GALNT9: variants seen among roughly 807,000 people sequenced by gnomAD.
GALNT9 encodes the protein GalNAc transferase 9.
Under a neutral mutation model 63.1 loss-of-function variants are expected in GALNT9, and 47 were observed. The observed-to-expected ratio is 0.75, with a 90% CI of 0.59 to 0.95. GALNT9 has a LOEUF of 0.95. Ranked by LOEUF, GALNT9 falls within the 40% of genes least tolerant of loss-of-function variation. The probability of loss-of-function intolerance (pLI) is 0.00; values close to 1 mark genes in which losing one functional copy is unlikely to be tolerated. For synonymous variants in GALNT9, 396 were observed against 365.7 expected (o/e 1.08, Z -0.94); for missense variants, 829 against 874.8 (o/e 0.95, Z 0.66).
intron 6 of GALNT9, among the ~76,000 whole-genome samples, chr12:132,215,601 T>C (rs1855744349): frequency 6.6e-6 from 1 of 152,240 alleles, no homozygotes; most frequent in African/African-American, 2.4e-5. Flanking sequence ...TTGATCCTGC[T>C]TGTTGGCTCC....
At chr12:132,287,220 T>C (rs1880635399) in intron 1 of GALNT9, among the ~76,000 whole-genome samples, 1 of 152,062 alleles carries the variant, frequency 6.6e-6, no homozygotes, top group Non-Finnish European at 1.5e-5. Flanking sequence ...TCATCGACAG[T>C]GACACAGTCA....
In GALNT9 at chr12:132,246,645, G is replaced by A. The variant is rs1220450509; in HGVS notation, c.1077+1265C>T. On this transcript the variant is annotated intron_variant, in intron 6 of 10. Coordinates refer to ENST00000328957, the MANE Select transcript of GALNT9 (RefSeq NM_001122636.2). This position sits in a 1 kb window ranked among gnomAD's most constrained non-coding sequence, Gnocchi z 4.7. Reference sequence around the variant, plus strand: ...CCTCCTGGGTTCAAGTGATTCTCCTGCCTCAGCCTCCTGAGTAGCTGGGAT... The same window carrying A: ...CCTCCTGGGTTCAAGTGATTCTCCTACCTCAGCCTCCTGAGTAGCTGGGAT... Among the ~76,000 whole-genome samples the A allele has an allele frequency of 2.6e-5, 4 of 152,192 alleles. No individual in the cohort carries two copies. Among genetic ancestry groups the A allele is most frequent in the Admixed American group, 2.6e-4 (4 of 15,286 alleles).
intron 5 of GALNT9, among the ~76,000 whole-genome samples, chr12:132,250,693 A>G (rs1878879632): frequency 6.6e-6 from 1 of 152,224 alleles, no homozygotes. Flanking sequence ...CGGGAGGCTG[A>G]GGCAGGAGAA....
At chr12:132,271,277 G>C (rs1219219318) in intron 2 of GALNT9, among the ~76,000 whole-genome samples, 1 of 151,852 alleles carries the variant, frequency 6.6e-6, no homozygotes, top group African/African-American at 2.4e-5. Context: ...GCCAGGGCTC[G>C]AGGGTGGGGG....
At chr12:132,325,946 C>A (rs1184006567) in intron 1 of GALNT9, among the ~76,000 whole-genome samples, 1 of 152,266 alleles carries the variant, frequency 6.6e-6, no homozygotes, top group Non-Finnish European at 1.5e-5. Flanking sequence ...CGCTGCGACG[C>A]GGGCGACCGT....
chr12:132,229,737 C>T (rs1877824402), intron 6 of GALNT9, among the ~76,000 whole-genome samples: 1 of 152,254 alleles, frequency 6.6e-6, no homozygotes, highest in Non-Finnish European at 1.5e-5. Flanking sequence ...AAATCATGGT[C>T]ACCGGCATCT....
At chr12:132,295,374 G>C (rs1881017758) in intron 1 of GALNT9, among the ~76,000 whole-genome samples, 1 of 152,244 alleles carries the variant, frequency 6.6e-6, no homozygotes, top group Non-Finnish European at 1.5e-5. Context: ...GACTGTTGTG[G>C]GTTGAATTGT....
chr12:132,216,160 AC>A (rs1365886436), intron 6 of GALNT9, among the ~76,000 whole-genome samples: 2 of 152,200 alleles, frequency 1.3e-5, no homozygotes, highest in Non-Finnish European at 2.9e-5. Flanking sequence ...AGATGGAGAG[AC>A]AGAGGCATGA....
intron 1 of GALNT9, among the ~76,000 whole-genome samples, chr12:132,312,837 T>A (rs1593121297): frequency 6.6e-6 from 1 of 152,128 alleles, no homozygotes; most frequent in Non-Finnish European, 1.5e-5. Context: ...CCAGGGTGGA[T>A]CCCCTTCTGC....
chr12:132,267,256 G>T (rs1196910975), intron 2 of GALNT9, among the ~76,000 whole-genome samples: 3 of 152,106 alleles, frequency 2.0e-5, no homozygotes, highest in Admixed American at 6.5e-5. Context: ...GCCACATGGC[G>T]CCAGCTTGTG....
intron 6 of GALNT9, among the ~76,000 whole-genome samples, chr12:132,228,104 G>C (rs1195773656): frequency 6.6e-6 from 1 of 151,876 alleles, no homozygotes; most frequent in Non-Finnish European, 1.5e-5. Flanking sequence ...GGTGGCGGGG[G>C]GGCACCAACC....
intron 6 of GALNT9, among the ~76,000 whole-genome samples, chr12:132,222,934 CCCACACACA>C (rs1272138688): frequency 3.1e-5 from 4 of 127,996 alleles, no homozygotes; most frequent in East Asian, 4.9e-4. Context: ...CAACCCACAC[CCCACACACA>C]CCACACAACT....
chr12:132,227,998 G>A (rs900371959), intron 6 of GALNT9, among the ~76,000 whole-genome samples: 10 of 152,278 alleles, frequency 6.6e-5, no homozygotes, highest in Non-Finnish European at 1.3e-4. Context: ...CTGTGGGCAG[G>A]TGAGTGGCCC....
intron 6 of GALNT9, among the ~76,000 whole-genome samples, chr12:132,235,089 TA>T: frequency 1.2e-5 from 1 of 85,576 alleles, no homozygotes; most frequent in Admixed American, 1.2e-4. Flanking sequence ...GTGGAGTCCC[TA>T]GTGCCACACA....
chr12:132,252,815 G>A lies in GALNT9; in HGVS notation c.960-4788C>T, dbSNP rs896993361. 6.6e-6 allele frequency among the ~76,000 whole-genome samples: 1 copy of A among 152,006 alleles called. No individual in the cohort carries two copies. Among genetic ancestry groups the A allele is most frequent in the African/African-American group, 2.4e-5 (1 of 41,376 alleles). The stretch of plus-strand genomic sequence containing the variant: ...GGAGAATCGCTTGAACCTGGGAGGC[G>A]GAGGTTGTGGTGAGCCGAGATCGCA... On this transcript the variant is annotated intron_variant, in intron 5 of 10. Coordinates refer to ENST00000328957, the MANE Select transcript of GALNT9 (RefSeq NM_001122636.2). This position sits in a 1 kb window ranked among gnomAD's most constrained non-coding sequence, Gnocchi z 5.2.
chr12:132,304,647 G>A lies in GALNT9; in HGVS notation c.239-18217C>T, dbSNP rs193016478. Among the ~76,000 whole-genome samples, 24 of 23,660 alleles carry A rather than the reference G, an allele frequency of 1.0e-3. 1 individual carries two copies. The highest frequency in any genetic ancestry group is 2.4e-3 in the African/African-American group (13 of 5,336). The allele number at this position is 23,660 out of a possible 152,430, so 15.5% of individuals were successfully genotyped here. On this transcript the variant is annotated intron_variant, in intron 1 of 10. Coordinates refer to ENST00000328957, the MANE Select transcript of GALNT9 (RefSeq NM_001122636.2). ...GCCTCACCGGGGCACACCCTCGCCC[G>A]GACACACCCTCACCCGGGCACAGCC...
Position 132,329,113 on chromosome 12 carries a change from G to A in GALNT9, c.91C>T (p.Gln31Ter). 6.5e-7 allele frequency: 1 copy of A among 1,549,508 alleles called. No homozygotes were observed. Among genetic ancestry groups the A allele is most frequent in the Non-Finnish European group, 8.7e-7 (1 of 1,146,598 alleles). ...IVLFSVYCRLQGRSQELVRIV... is the reference protein window; with the variant it reads ...IVLFSVYCRL ...CGCACGAGCTCCTGGGAGCGGCCCT[G>A]CAGGCGGCAGTACACGGAGAACAGG... Residue 31 changes from glutamine (Q) to a stop codon, truncating the protein, a stop_gained, in exon 1 of 11, where the codon CAG becomes TAG. Transcript: ENST00000328957. LOFTEE classifies it high-confidence loss of function.
At chr12:132,228,336 G>GTC (rs1877773937) in intron 6 of GALNT9, among the ~76,000 whole-genome samples, 4 of 148,536 alleles carry the variant, frequency 2.7e-5, no homozygotes, top group African/African-American at 5.0e-5. Context: ...GTGGCGGGGC[G>GTC]GCCCGTCAGC....
chr12:132,264,446 G>A (rs185556427), intron 2 of GALNT9, among the ~76,000 whole-genome samples: 114 of 152,376 alleles, frequency 7.5e-4, no homozygotes, highest in African/African-American at 2.6e-3. Context: ...TTTCGGGCCC[G>A]GCTTGGTCGG....
Sources: gnomAD v4.1 joint callset for allele counts (sites outside exome capture counted in the v4.1 genomes callset) on GRCh38, gnomAD v4.1.1 for gene constraint, Gnocchi (gnomAD v3.1) non-coding constraint, MANE v1.5 for transcripts, NCBI Gene and HGNC (gene_info 2026-07-23, HGNC 2026-07-21) for gene names.